Variants in EPS15 observed in about 807,000 individuals in gnomAD.
The protein encoded by EPS15 is epidermal growth factor receptor substrate 15.
EPS15 carries 72 observed loss-of-function variants against 113.8 expected under a neutral mutation model. The ratio of observed to expected loss-of-function variants is 0.63; its 90% CI spans 0.52 to 0.77. The LOEUF (loss-of-function observed/expected upper bound fraction) is 0.77, where lower values mean the gene tolerates loss of function less well. EPS15 is among the 30% of genes least tolerant of loss of function. The pLI is 0.00. For missense variants in EPS15, 1,048 were observed against 1,045.8 expected (o/e 1.00, Z -0.03); for synonymous variants, 344 against 363.4 (o/e 0.95, Z 0.61).
Position 51,378,845 on chromosome 1 carries a change from A to AG in EPS15, c.2120-12817dup, listed in dbSNP as rs907148298. ...AAGGTTTCTTCCAGCTCTAAGTTTGAGGGGAAAAAAAAGAACAATGGAGAC... is the reference window on the plus strand; with the variant it reads ...AAGGTTTCTTCCAGCTCTAAGTTTGAGGGGGAAAAAAAAGAACAATGGAGAC... On this transcript the variant is annotated intron_variant, in intron 21 of 24. Coordinates refer to ENST00000371733, the MANE Select transcript of EPS15 (RefSeq NM_001981.3). 9.8e-4 allele frequency among the ~76,000 whole-genome samples: 149 copies of AG among 152,222 alleles called. 1 individual carries two copies. Among genetic ancestry groups the AG allele is most frequent in the African/African-American group, 3.6e-3 (148 of 41,542 alleles).
chr1:51,410,849 A>T (rs1426831570), intron 13 of EPS15, among the ~76,000 whole-genome samples: 3 of 152,230 alleles, frequency 2.0e-5, no homozygotes, highest in Non-Finnish European at 4.4e-5. Flanking sequence ...CAACACTTTA[A>T]ATGCTACTTA....
intron 2 of EPS15, among the ~76,000 whole-genome samples, chr1:51,476,111 G>GCT (rs1643895334): frequency 6.6e-6 from 1 of 152,182 alleles, no homozygotes. Flanking sequence ...AAGTCAGGTA[G>GCT]TGTAATGCCT....
At chr1:51,369,470 C>G (rs72694139) in intron 21 of EPS15, among the ~76,000 whole-genome samples, 9,441 of 152,252 alleles carry the variant, frequency 0.062, 309 homozygotes, top group Non-Finnish European at 0.074. Flanking sequence ...TGGGCTTTAG[C>G]TGCACTTATG....
At chr1:51,439,413 T>C (rs1236580205) in intron 12 of EPS15, among the ~76,000 whole-genome samples, 1 of 152,072 alleles carries the variant, frequency 6.6e-6, no homozygotes, top group African/African-American at 2.4e-5. Flanking sequence ...TTTAATCTCC[T>C]TATATCTCAA....
intron 21 of EPS15, 60 bp downstream of exon 21, chr1:51,394,320 GA>G: frequency 9.4e-7 from 1 of 1,066,786 alleles, no homozygotes. Context: ...TAGAGACAAA[GA>G]AAAAAGAATC....
rs184629733 is a variant in EPS15, at chr1:51,491,971, A to T, written c.34-10657T>A. Among the ~76,000 whole-genome samples, 336 of 149,060 alleles carry T rather than the reference A, an allele frequency of 2.3e-3. 3 individuals carry two copies. The highest frequency in any genetic ancestry group is 8.3e-3 in the African/African-American group (331 of 40,072). On this transcript the variant is annotated intron_variant, in intron 1 of 24. Transcript: ENST00000371733. Reference sequence around the variant, plus strand: ...AGCCTCCACCTCCGGGGCTCAAGTGATTCTTCCCTCAGCCTCCTAAGCAGA... The same window carrying T: ...AGCCTCCACCTCCGGGGCTCAAGTGTTTCTTCCCTCAGCCTCCTAAGCAGA...
At position 51,447,099 on chromosome 1, in the gene EPS15, C is replaced by T; in HGVS notation, c.658G>A (p.Val220Ile). Residue 220 changes from valine (V) to isoleucine (I), a missense_variant, in exon 10 of 25, where the codon GTA becomes ATA. Coordinates refer to ENST00000371733, the MANE Select transcript of EPS15 (RefSeq NM_001981.3). ...VPPSKRKTWVVSPAEKAKYDE... is the reference protein window; with the variant it reads ...VPPSKRKTWVISPAEKAKYDE... Reference sequence around the variant, plus strand: ...TATTTAGCTTTTTCTGCAGGGGATACAACCCACTACAGGGAGGAAAAAAAA... The same window carrying T: ...TATTTAGCTTTTTCTGCAGGGGATATAACCCACTACAGGGAGGAAAAAAAA... 6.2e-7 allele frequency: 1 copy of T among 1,606,346 alleles called. No individual in the cohort carries two copies.
At chr1:51,487,917 G>A (rs562934723) in intron 1 of EPS15, among the ~76,000 whole-genome samples, 3 of 151,904 alleles carry the variant, frequency 2.0e-5, no homozygotes, top group South Asian at 4.2e-4. Flanking sequence ...TGTTATTGTC[G>A]GACTATGAAC....
intron 8 of EPS15, among the ~76,000 whole-genome samples, chr1:51,454,104 A>ATAG (rs1258986739): frequency 6.6e-6 from 1 of 151,936 alleles, no homozygotes; most frequent in Non-Finnish European, 1.5e-5. Flanking sequence ...TTACGACCCA[A>ATAG]TAGGAGGAGG....
At chr1:51,421,244 C>A (rs1650723514) in intron 13 of EPS15, among the ~76,000 whole-genome samples, 1 of 152,090 alleles carries the variant, frequency 6.6e-6, no homozygotes, top group African/African-American at 2.4e-5. Context: ...AACTAAAGCT[C>A]TTTATGCCAA....
chr1:51,490,184 A>G (rs1644205368), intron 1 of EPS15: 4 of 347,098 alleles, frequency 1.2e-5, no homozygotes, highest in South Asian at 8.4e-5. Context: ...GAGATATTAG[A>G]GTACATGACT....
chr1:51,470,646 C>CAA (rs10616476), intron 4 of EPS15, among the ~76,000 whole-genome samples: 48 of 72,980 alleles, frequency 6.6e-4, no homozygotes, highest in African/African-American at 9.2e-4. Flanking sequence ...GGCTCTGTCT[C>CAA]AAAAAAAAAA....
intron 21 of EPS15, among the ~76,000 whole-genome samples, chr1:51,393,512 G>A (rs1358165418): frequency 1.3e-5 from 2 of 152,176 alleles, no homozygotes; most frequent in African/African-American, 4.8e-5. Context: ...TCCTGTAAAG[G>A]CATTTCTACT....
Position 51,487,584 on chromosome 1 carries a change from A to C in EPS15, c.34-6270T>G, listed in dbSNP as rs138400617. ...ATACTTTGCCAAAGACAGCAAATTA[A>C]ATATGTTCCCTCAATAATAAAAAGT... On this transcript the variant is annotated intron_variant, in intron 1 of 24. Coordinates refer to ENST00000371733, the MANE Select transcript of EPS15 (RefSeq NM_001981.3). Among the ~76,000 whole-genome samples the C allele has an allele frequency of 1.5e-3, 235 of 152,340 alleles. 1 individual carries two copies. Among genetic ancestry groups the C allele is most frequent in the African/African-American group, 5.4e-3 (223 of 41,588 alleles).
intron 1 of EPS15, among the ~76,000 whole-genome samples, chr1:51,485,301 TC>T (rs1211438512): frequency 6.6e-6 from 1 of 152,258 alleles, no homozygotes; most frequent in Non-Finnish European, 1.5e-5. Flanking sequence ...TCATCGGACT[TC>T]CGAGGCTAGT....
At position 51,399,236 on chromosome 1, in the gene EPS15, T is replaced by C. The variant is rs990982083; in HGVS notation, c.1919-71A>G. ...CACTAAATTTCCCATCACTTGAAGGTATGATCAGTGCCTTAATTAAAAGAC... is the reference window on the plus strand; with the variant it reads ...CACTAAATTTCCCATCACTTGAAGGCATGATCAGTGCCTTAATTAAAAGAC... On this transcript the variant is annotated intron_variant, in intron 19 of 24. Transcript: ENST00000371733. 35 of 1,431,276 alleles carry C rather than the reference T, an allele frequency of 2.4e-5. 1 individual carries two copies. The African/African-American group carries it at 4.5e-4, about 18-fold the overall frequency. 88.7% of individuals were successfully genotyped at this position (1,431,276 alleles called of 1,614,324 possible).
intron 1 of EPS15, among the ~76,000 whole-genome samples, chr1:51,483,540 G>GCT (rs1644061395): frequency 1.3e-5 from 2 of 151,922 alleles, no homozygotes; most frequent in Non-Finnish European, 2.9e-5. Context: ...AGGCACGGTG[G>GCT]CATGTGCCTG....
chr1:51,400,112 T>G (rs1395757555), intron 19 of EPS15, among the ~76,000 whole-genome samples: 1 of 152,202 alleles, frequency 6.6e-6, no homozygotes, highest in Non-Finnish European at 1.5e-5. Flanking sequence ...TAACAGCCAA[T>G]AGTTTAGAAC....
At chr1:51,401,059 A>T (rs1415828887) in intron 18 of EPS15, 106 bp from the exon 19 acceptor site, 7 of 664,920 alleles carry the variant, frequency 1.1e-5, no homozygotes, top group Middle Eastern at 6.6e-4. Flanking sequence ...GTTTATTTCA[A>T]TAACTTCACT....
Sources: gnomAD v4.1 joint callset for allele counts (sites outside exome capture counted in the v4.1 genomes callset) on GRCh38, gnomAD v4.1.1 for gene constraint, MANE v1.5 for transcripts, NCBI Gene and HGNC (gene_info 2026-07-23, HGNC 2026-07-21) for gene names.